Variants in MRPS27 observed in about 807,000 individuals in gnomAD.
MRPS27 encodes small ribosomal subunit protein mS27.
A neutral mutation model predicts 48.9 loss-of-function variants in MRPS27; 43 were observed. That is an observed-to-expected ratio of 0.88 (90% confidence interval 0.69 to 1.13). The LOEUF is 1.13. MRPS27 is among the 50% of genes most tolerant of loss of function. The pLI, the probability that MRPS27 is intolerant of heterozygous loss-of-function variation, is 0.00. For missense variants in MRPS27, 467 were observed against 476.3 expected, an observed-to-expected ratio of 0.98 and a Z score of 0.18; for synonymous variants, 188 against 171.9, an observed-to-expected ratio of 1.09 and a Z score of -0.73.
chr5:72,294,113 G>A (rs540477839), intron 4 of MRPS27, among the ~76,000 whole-genome samples: 1 of 151,992 alleles, frequency 6.6e-6, no homozygotes, highest in African/African-American at 2.4e-5. Flanking sequence ...GTTTTTTAAA[G>A]GTGTGGAATC....
intron 4 of MRPS27, among the ~76,000 whole-genome samples, chr5:72,260,410 G>A (rs986589887): frequency 1.4e-4 from 22 of 152,114 alleles, no homozygotes; most frequent in Non-Finnish European, 2.5e-4. Context: ...TCTTCCAGGC[G>A]TTGATCTTTG....
At chr5:72,267,352 C>G (rs1749129807) in intron 4 of MRPS27, among the ~76,000 whole-genome samples, 1 of 152,116 alleles carries the variant, frequency 6.6e-6, no homozygotes, top group African/African-American at 2.4e-5. Flanking sequence ...AATGTATACA[C>G]AGTCAGGATT....
intron 2 of MRPS27, among the ~76,000 whole-genome samples, chr5:72,298,871 A>G (rs1482670424): frequency 1.3e-5 from 2 of 152,108 alleles, no homozygotes; most frequent in Non-Finnish European, 2.9e-5. Context: ...CATGGAATCA[A>G]CCTAACAATG....
intron 4 of MRPS27, among the ~76,000 whole-genome samples, chr5:72,252,836 G>A (rs1018639861): frequency 1.3e-5 from 2 of 152,060 alleles, no homozygotes; most frequent in Non-Finnish European, 2.9e-5. Flanking sequence ...TTGGGGGACC[G>A]CCAAAATCCC....
intron 4 of MRPS27, among the ~76,000 whole-genome samples, chr5:72,275,169 A>T (rs1749342649): frequency 6.6e-6 from 1 of 152,234 alleles, no homozygotes; most frequent in Non-Finnish European, 1.5e-5. Flanking sequence ...CTGATAAGCA[A>T]CTTCATGAAA....
chr5:72,317,691 T>C (rs1245318678), intron 1 of MRPS27, among the ~76,000 whole-genome samples: 5 of 151,626 alleles, frequency 3.3e-5, no homozygotes, highest in African/African-American at 1.2e-4. Context: ...TTTTATTTAT[T>C]ATTATTATTT....
intron 4 of MRPS27, chr5:72,288,802 A>C (rs775651870): frequency 1.3e-5 from 2 of 152,230 alleles, no homozygotes; most frequent in Non-Finnish European, 2.9e-5. Flanking sequence ...CTAACAGAAA[A>C]ATTTAAGATT....
intron 4 of MRPS27, among the ~76,000 whole-genome samples, chr5:72,257,366 C>T (rs780084532): frequency 1.3e-5 from 2 of 152,110 alleles, no homozygotes; most frequent in Non-Finnish European, 2.9e-5. Context: ...TTTTTCCTCT[C>T]TATACTAAAA....
chr5:72,317,697 T>C (rs2112096578), intron 1 of MRPS27, among the ~76,000 whole-genome samples: 1 of 152,146 alleles, frequency 6.6e-6, no homozygotes, highest in South Asian at 2.1e-4. Context: ...TTATTATTAT[T>C]ATTTTTTTGA....
intron 4 of MRPS27, among the ~76,000 whole-genome samples, chr5:72,287,404 C>T (rs1470632702): frequency 6.6e-6 from 1 of 152,174 alleles, no homozygotes; most frequent in Non-Finnish European, 1.5e-5. Context: ...CTTTGGGAGG[C>T]CGAGGTAGGC....
chr5:72,304,112 G>A (rs956205351), intron 2 of MRPS27, among the ~76,000 whole-genome samples: 1 of 151,982 alleles, frequency 6.6e-6, no homozygotes, highest in South Asian at 2.1e-4. Flanking sequence ...TGGACCTAAG[G>A]TGTCCTAAAG....
At chr5:72,283,313 T>C (rs1749579162) in intron 4 of MRPS27, among the ~76,000 whole-genome samples, 1 of 152,242 alleles carries the variant, frequency 6.6e-6, no homozygotes, top group Admixed American at 6.5e-5. Context: ...GTTTAATTAA[T>C]TCTATGTCAC....
At chr5:72,256,910 G>A (rs1486451158) in intron 4 of MRPS27, among the ~76,000 whole-genome samples, 2 of 152,136 alleles carry the variant, frequency 1.3e-5, no homozygotes, top group Admixed American at 6.5e-5. Flanking sequence ...GTAAGATGCC[G>A]TGGTACGATC....
chr5:72,241,562 A>G (rs1748350650), intron 4 of MRPS27: 1 of 1,306,732 alleles, frequency 7.7e-7, no homozygotes, highest in East Asian at 2.5e-5. Context: ...TGACTTTTTA[A>G]GCAGTTCAGA....
At chr5:72,222,260 G>C (rs1747764020) in intron 10 of MRPS27, among the ~76,000 whole-genome samples, 1 of 152,152 alleles carries the variant, frequency 6.6e-6, no homozygotes, top group African/African-American at 2.4e-5. Context: ...AGACAGCTTG[G>C]GACACCAGAA....
chr5:72,241,182 A>G (rs1288160298), intron 4 of MRPS27, among the ~76,000 whole-genome samples: 1 of 152,052 alleles, frequency 6.6e-6, no homozygotes, highest in Non-Finnish European at 1.5e-5. Context: ...CTGTAGAGAC[A>G]GGGTCTTGCT....
At chr5:72,249,246 C>T (rs1748591794) in intron 4 of MRPS27, among the ~76,000 whole-genome samples, 1 of 152,206 alleles carries the variant, frequency 6.6e-6, no homozygotes, top group East Asian at 1.9e-4. Context: ...CAGAATGGAG[C>T]ATTTGATGAG....
chr5:72,269,742 A>G (rs1472161092), intron 4 of MRPS27, among the ~76,000 whole-genome samples: 1 of 152,218 alleles, frequency 6.6e-6, no homozygotes, highest in Non-Finnish European at 1.5e-5. Context: ...TGTACCTCAC[A>G]CAAATCAAAT....
chr5:72,221,611 C>T (rs963526839), intron 10 of MRPS27, among the ~76,000 whole-genome samples: 5 of 152,196 alleles, frequency 3.3e-5, no homozygotes, highest in African/African-American at 9.7e-5. Flanking sequence ...TTCTAATATG[C>T]AAACAAAATG....
Sources: gnomAD v4.1 joint callset for allele counts (sites outside exome capture counted in the v4.1 genomes callset) on GRCh38, gnomAD v4.1.1 for gene constraint, MANE v1.5 for transcripts, NCBI Gene and HGNC (gene_info 2026-07-23, HGNC 2026-07-21) for gene names.